Variants in DISC1 observed in about 807,000 individuals in gnomAD.
DISC1 encodes the protein DISC1 scaffold protein.
Under a neutral mutation model 84.5 loss-of-function variants are expected in DISC1, and 57 were observed. That is an observed-to-expected ratio of 0.67 (90% CI 0.55 to 0.84). The LOEUF is 0.84. DISC1 is among the 40% of genes least tolerant of loss of function. The pLI is 0.00. For synonymous variants in DISC1, 411 were observed against 415.2 expected (o/e 0.99, Z 0.12); for missense variants, 1,000 against 1,057.8 (o/e 0.95, Z 0.76).
intron 3 of DISC1, among the ~76,000 whole-genome samples, chr1:231,748,777 A>G (rs2074286603): frequency 6.6e-6 from 1 of 152,094 alleles, no homozygotes; most frequent in Admixed American, 6.6e-5. Flanking sequence ...CTTGCCTTTT[A>G]ATTTTTTGGA....
intron 4 of DISC1, among the ~76,000 whole-genome samples, chr1:231,761,295 C>T (rs78826493): frequency 0.026 from 3,934 of 152,212 alleles, 67 homozygotes; most frequent in Middle Eastern, 0.078. Flanking sequence ...TTTATAGCAG[C>T]GATGCTAATT....
intron 3 of DISC1, among the ~76,000 whole-genome samples, chr1:231,738,321 T>C (rs2072789697): frequency 6.6e-6 from 1 of 152,232 alleles, no homozygotes; most frequent in Non-Finnish European, 1.5e-5. Flanking sequence ...CCTTTCTGAC[T>C]CAGGAACACA....
intron 1 of DISC1, among the ~76,000 whole-genome samples, chr1:231,659,515 T>A (rs1467451609): frequency 6.6e-6 from 1 of 152,094 alleles, no homozygotes; most frequent in Non-Finnish European, 1.5e-5. Flanking sequence ...TTTCTTGTCT[T>A]CTAGCTTTGG....
chr1:232,002,216 A>G (rs1666780415), intron 10 of DISC1, among the ~76,000 whole-genome samples: 1 of 152,132 alleles, frequency 6.6e-6, no homozygotes, highest in Non-Finnish European at 1.5e-5. Context: ...ACAAAAAAAA[A>G]TTATAACACC....
intron 10 of DISC1, among the ~76,000 whole-genome samples, chr1:232,004,385 A>T (rs1667073531): frequency 6.6e-6 from 1 of 151,998 alleles, no homozygotes; most frequent in Non-Finnish European, 1.5e-5. Flanking sequence ...TGAAAAGGAG[A>T]TCTACGAACA....
chr1:231,662,353 A>G (rs2061629721), intron 1 of DISC1, among the ~76,000 whole-genome samples: 1 of 152,130 alleles, frequency 6.6e-6, no homozygotes, highest in African/African-American at 2.4e-5. Context: ...GGAATGGTTG[A>G]GTCCACTGAA....
chr1:231,912,481 G>C (rs1363885694), intron 9 of DISC1, among the ~76,000 whole-genome samples: 7 of 152,312 alleles, frequency 4.6e-5, no homozygotes, highest in Non-Finnish European at 2.9e-5. Context: ...CACCAGCAGA[G>C]GCTGCAGAAC....
intron 1 of DISC1, among the ~76,000 whole-genome samples, chr1:231,654,944 A>G (rs1377295837): frequency 1.3e-5 from 2 of 152,144 alleles, no homozygotes; most frequent in Non-Finnish European, 2.9e-5. Flanking sequence ...ACAAGGCTGA[A>G]TCTTTTACCT....
At chr1:231,778,176 C>A (rs150042589) in intron 6 of DISC1, among the ~76,000 whole-genome samples, 7 of 152,162 alleles carry the variant, frequency 4.6e-5, no homozygotes, top group African/African-American at 1.4e-4. Context: ...GAAGACCAAA[C>A]AGGCAACTGT....
At chr1:231,981,950 G>A (rs893603210) in intron 10 of DISC1, among the ~76,000 whole-genome samples, 17 of 152,154 alleles carry the variant, frequency 1.1e-4, no homozygotes, top group African/African-American at 4.1e-4. Context: ...TAGAGAAGTG[G>A]GGAGAGGTTT....
At chr1:231,680,165 C>G (rs1273581270) in intron 1 of DISC1, among the ~76,000 whole-genome samples, 2 of 152,008 alleles carry the variant, frequency 1.3e-5, no homozygotes, top group Admixed American at 6.6e-5. Flanking sequence ...GGGGCGGAGG[C>G]TGTAGTGAGC....
At chr1:231,785,387 C>T (rs977554493) in intron 6 of DISC1, among the ~76,000 whole-genome samples, 1 of 151,936 alleles carries the variant, frequency 6.6e-6, no homozygotes, top group African/African-American at 2.4e-5. Context: ...TCAAGGAATA[C>T]TCCCACCTCA....
chr1:231,891,809 C>T (rs916116766), intron 9 of DISC1, among the ~76,000 whole-genome samples: 5 of 152,154 alleles, frequency 3.3e-5, no homozygotes, highest in African/African-American at 9.7e-5. Context: ...TGGTAGAAAG[C>T]ACCACAGATC....
At chr1:231,865,558 G>A (rs970577836) in intron 9 of DISC1, among the ~76,000 whole-genome samples, 3 of 152,142 alleles carry the variant, frequency 2.0e-5, no homozygotes, top group African/African-American at 4.8e-5. Flanking sequence ...GTAGACTGAC[G>A]TCTATTTCCT....
intron 9 of DISC1, among the ~76,000 whole-genome samples, chr1:231,875,343 C>T (rs545860321): frequency 1.3e-5 from 2 of 152,202 alleles, no homozygotes; most frequent in Admixed American, 6.5e-5. Context: ...CACCAGCCCC[C>T]GGCCCTGGTG....
chr1:231,779,752 G>T (rs1253106107), intron 6 of DISC1, among the ~76,000 whole-genome samples: 1 of 151,476 alleles, frequency 6.6e-6, no homozygotes, highest in African/African-American at 2.4e-5. Context: ...GTAGAGATGG[G>T]GTTTCACCGT....
At chr1:231,939,924 G>A (rs1016792352) in intron 9 of DISC1, among the ~76,000 whole-genome samples, 3 of 151,838 alleles carry the variant, frequency 2.0e-5, no homozygotes, top group African/African-American at 7.2e-5. Flanking sequence ...TGTATTTTTA[G>A]TAGAGATGGG....
At chr1:231,876,389 C>G (rs779541928) in intron 9 of DISC1, among the ~76,000 whole-genome samples, 11 of 152,204 alleles carry the variant, frequency 7.2e-5, no homozygotes, top group Non-Finnish European at 1.0e-4. Context: ...CAGCCTCATG[C>G]TGACTGTAAA....
intron 4 of DISC1, among the ~76,000 whole-genome samples, chr1:231,762,224 T>C (rs1241935218): frequency 0.021 from 1,050 of 50,364 alleles, 19 homozygotes; most frequent in African/African-American, 0.083. Flanking sequence ...TCTTCTTTTC[T>C]TTTCTTTTCT....
Sources: gnomAD v4.1 joint callset for allele counts (sites outside exome capture counted in the v4.1 genomes callset) on GRCh38, gnomAD v4.1.1 for gene constraint, MANE v1.5 for transcripts, NCBI Gene and HGNC (gene_info 2026-07-23, HGNC 2026-07-21) for gene names.